The following MON2 variants were observed in gnomAD, a reference collection of about 807,000 sequenced individuals.
The protein encoded by MON2 is MON2 regulator of endosome-to-Golgi trafficking, also known as protein MON2 homolog.
Under a neutral mutation model 208.6 loss-of-function variants are expected in MON2, and 84 were observed. The ratio of observed to expected loss-of-function variants is 0.40; its 90% CI spans 0.34 to 0.48. The LOEUF is 0.48. Among genes scored for constraint, MON2 ranks in the 20% least tolerant of loss-of-function variants. MON2 has a pLI of 0.59. For missense variants in MON2, 1,611 were observed against 2,015.4 expected (o/e 0.80, Z 3.84); for synonymous variants, 660 against 694.0 (o/e 0.95, Z 0.77).
In MON2 at chr12:62,572,775, A is replaced by C. The variant is rs570537214; in HGVS notation, c.4514+1193A>C. 1.9e-4 allele frequency among the ~76,000 whole-genome samples: 29 copies of C among 152,298 alleles called. No individual in the cohort carries two copies. In the East Asian group the frequency reaches 2.1e-3, roughly 11 times the overall value. On this transcript the variant is annotated intron_variant, in intron 30 of 34. Coordinates refer to ENST00000393630, the MANE Select transcript of MON2 (RefSeq NM_015026.3). ...AATTTTTTAAATGTTTGTATCCATC[A>C]ATCATTTTTTGATATTGTAGAATGA...
In MON2 at chr12:62,532,482, G is replaced by C; in HGVS notation, c.1445G>C (p.Gly482Ala). 1.2e-6 allele frequency: 2 copies of C among 1,614,044 alleles called. No homozygotes were observed. Among genetic ancestry groups the C allele is most frequent in the Non-Finnish European group, 1.7e-6 (2 of 1,180,004 alleles). ...GTTGAGCCTCCAACTATACCTGAAG[G>C]TTACGCCATGTCTGTGGCATTCCAT... ...DKVEPPTIPE[G>A]YAMSVAFHCL... Residue 482 changes from glycine (G) to alanine (A), a missense_variant, in exon 12 of 35, where the codon GGT (glycine) becomes GCT (alanine). Gly to Ala is a moderately conservative substitution (Grantham distance 60, BLOSUM62 0). Coordinates refer to ENST00000393630, the MANE Select transcript of MON2 (RefSeq NM_015026.3).
rs941832269 is a variant in MON2, at chr12:62,599,543, A to G, written c.*6794A>G. 1 of 152,230 alleles carries G rather than the reference A, an allele frequency of 6.6e-6. No homozygotes were observed. Among genetic ancestry groups the G allele is most frequent in the African/African-American group, 2.4e-5 (1 of 41,456 alleles). The allele number at this position is 152,230 out of a possible 1,614,324, so 9.4% of individuals were successfully genotyped here. On this transcript the variant is annotated 3_prime_UTR_variant, in exon 35 of 35. Transcript: ENST00000393630. The stretch of plus-strand genomic sequence containing the variant: ...AACCACCATTTCTGGAGTACCTAGT[A>G]TGTGCAGGCCAAGGCTTTGCCTATA...
intron 7 of MON2, among the ~76,000 whole-genome samples, chr12:62,502,839 T>C (rs2136088672): frequency 6.6e-6 from 1 of 152,214 alleles, no homozygotes; most frequent in East Asian, 1.9e-4. Context: ...TAATCCATTT[T>C]ATCCTTTGCT....
At chr12:62,506,961 T>C (rs1453783154) in intron 7 of MON2, among the ~76,000 whole-genome samples, 3 of 152,188 alleles carry the variant, frequency 2.0e-5, no homozygotes. Context: ...TCTTGGCTAA[T>C]ATAGGCAGGG....
chr12:62,584,036 A>G (rs2075106358), intron 32 of MON2, among the ~76,000 whole-genome samples: 1 of 151,946 alleles, frequency 6.6e-6, no homozygotes, highest in Non-Finnish European at 1.5e-5. Context: ...AAGACATTGA[A>G]GCAGTGGTTT....
chr12:62,590,121 T>C (rs10784309), intron 34 of MON2, among the ~76,000 whole-genome samples: 115,138 of 152,036 alleles, frequency 0.76, 44,333 homozygotes, highest in African/African-American at 0.84. Flanking sequence ...GACAGGCTCT[T>C]GCTCTGTCGC....
At chr12:62,473,353 T>C (rs1021327723) in intron 1 of MON2, among the ~76,000 whole-genome samples, 12 of 152,136 alleles carry the variant, frequency 7.9e-5, no homozygotes, top group African/African-American at 2.7e-4. Flanking sequence ...TGTGAGTCCA[T>C]GTGAGTCCAT....
chr12:62,560,155 G>T, intron 25 of MON2: 1 of 175,244 alleles, frequency 5.7e-6, no homozygotes, highest in Non-Finnish European at 1.2e-5. Flanking sequence ...AGTGGTTATT[G>T]GTTACATGGA....
At position 62,467,234 on chromosome 12, in the gene MON2, G is replaced by A. The variant is rs141050692; in HGVS notation, c.27G>A (p.Ala9=). The stretch of plus-strand genomic sequence containing the variant: ...TGTCCGGCACCAGCAGCCCCGAGGC[G>A]GTGAAGAAGCTGCTGGAGAATATGC... MSGTSSPE[A]VKKLLENMQS... Residue 9 remains alanine (A), a synonymous_variant, in exon 1 of 35, where the codon GCG becomes GCA. Transcript: ENST00000393630. 6.2e-7 allele frequency: 1 copy of A among 1,613,644 alleles called. No homozygotes were observed. The highest frequency in any genetic ancestry group is 8.5e-7 in the Non-Finnish European group (1 of 1,180,004).
chr12:62,562,298 G>T (rs1399281653), intron 26 of MON2, among the ~76,000 whole-genome samples: 1 of 150,492 alleles, frequency 6.6e-6, no homozygotes, highest in Non-Finnish European at 1.5e-5. Context: ...GGATAAACAA[G>T]AAACTTTTTT....
intron 29 of MON2, among the ~76,000 whole-genome samples, chr12:62,570,097 A>C (rs1190949254): frequency 2.0e-5 from 3 of 152,142 alleles, no homozygotes; most frequent in African/African-American, 2.4e-5. Flanking sequence ...TAGTGTTCTA[A>C]TTGCAAGATA....
At chr12:62,565,937 T>G in intron 27 of MON2, 77 bp from the exon 28 acceptor site, 1 of 1,302,374 alleles carries the variant, frequency 7.7e-7, no homozygotes, top group African/African-American at 1.5e-5. Flanking sequence ...TATAATTTTA[T>G]ATCGTCCGAA....
In MON2 at chr12:62,560,780, G is replaced by A; in HGVS notation, c.3699G>A (p.Glu1233=). Residue 1233 remains glutamate, a synonymous_variant, in exon 26 of 35, where the codon GAG becomes GAA. Transcript: ENST00000393630. ...CTGAGCCACCCATTGTTACTGATGA[G>A]CTTGAAGATTTGAATCTATGGTGGG... The part of the protein sequence containing the change: ...SSSEPPIVTD[E]LEDLNLWWAA... The A allele has an allele frequency of 6.2e-7, 1 of 1,614,110 alleles. No individual in the cohort carries two copies. The highest frequency in any genetic ancestry group is 8.5e-7 in the Non-Finnish European group (1 of 1,179,982).
chr12:62,582,878 T>C (rs575472291), intron 32 of MON2, among the ~76,000 whole-genome samples: 4 of 152,240 alleles, frequency 2.6e-5, no homozygotes, highest in South Asian at 2.1e-4. Flanking sequence ...TTTGAGGAAA[T>C]TCTCTAACAC....
chr12:62,480,103 T>C (rs1243504648), intron 1 of MON2, among the ~76,000 whole-genome samples: 2 of 152,188 alleles, frequency 1.3e-5, no homozygotes, highest in Non-Finnish European at 2.9e-5. Context: ...GATGATACAA[T>C]TCCAGAGTAT....
intron 8 of MON2, among the ~76,000 whole-genome samples, chr12:62,517,161 C>T (rs2071741774): frequency 6.6e-6 from 1 of 152,126 alleles, no homozygotes; most frequent in Admixed American, 6.6e-5. Flanking sequence ...TAGAAGGGTT[C>T]CTCCTCCTCC....
intron 1 of MON2, 72 bp downstream of exon 1, chr12:62,467,390 C>T (rs1364316651): frequency 8.2e-7 from 1 of 1,225,666 alleles, no homozygotes; most frequent in Admixed American, 1.8e-5. Flanking sequence ...TGCTTCACCC[C>T]AGTTTCCAGT....
At chr12:62,576,715 A>G (rs1010131285) in intron 30 of MON2, among the ~76,000 whole-genome samples, 9 of 152,036 alleles carry the variant, frequency 5.9e-5, no homozygotes, top group East Asian at 1.9e-4. Context: ...AGCATTTTTA[A>G]AAGCTCAATC....
chr12:62,580,305 A>C lies in MON2; in HGVS notation c.4584A>C (p.Gln1528His), dbSNP rs138748859. Residue 1528 changes from glutamine to histidine, a missense_variant, in exon 32 of 35, where the codon CAA (glutamine) becomes CAC (histidine). Coordinates refer to ENST00000393630, the MANE Select transcript of MON2 (RefSeq NM_015026.3). ...TGCCTCTTTTGTTTTAGGTAGTTCA[A>C]CTTATCAGCAATGAGATACTACCTT... The part of the protein sequence containing the change: ...RNENIDVEVV[Q>H]LISNEILPYA... 2.5e-5 allele frequency: 40 copies of C among 1,610,160 alleles called. No homozygotes were observed. Among genetic ancestry groups the C allele is most frequent in the South Asian group, 4.4e-5 (4 of 90,334 alleles).
Sources: allele counts gnomAD v4.1 joint callset (sites outside exome capture counted in the v4.1 genomes callset), GRCh38; gene constraint gnomAD v4.1.1; transcripts MANE v1.5; gene names NCBI Gene and HGNC (gene_info 2026-07-23, HGNC 2026-07-21).